The following CCSER2 variants were observed in gnomAD, a reference collection of about 807,000 sequenced individuals.
The protein encoded by CCSER2 is coiled-coil serine rich protein 2, also known as serine-rich coiled-coil domain-containing protein 2.
CCSER2 carries 46 observed loss-of-function variants against 92.3 expected under a neutral mutation model. The ratio of observed to expected loss-of-function variants is 0.50; its 90% CI spans 0.39 to 0.64. The LOEUF is 0.64. Ranked by LOEUF, CCSER2 falls within the 30% of genes least tolerant of loss-of-function variation. CCSER2 has a pLI of 0.00. For missense variants in CCSER2, 1,244 were observed against 1,238.9 expected, an observed-to-expected ratio of 1.00 and a Z score of -0.06; for synonymous variants, 433 against 431.4, an observed-to-expected ratio of 1.00 and a Z score of -0.04.
Position 84,331,726 on chromosome 10 carries a change from A to G in CCSER2, c.-40+2918A>G, listed in dbSNP as rs549109878. On this transcript the variant is annotated intron_variant, in intron 1 of 9. Coordinates refer to ENST00000372088, the MANE Select transcript of CCSER2 (RefSeq NM_001284240.2). ...ATTCCAAAAGGCTTTTTATCTTACAAACAATGGTCAAAGAAATTTTAAAAA... is the reference window on the plus strand; with the variant it reads ...ATTCCAAAAGGCTTTTTATCTTACAGACAATGGTCAAAGAAATTTTAAAAA... 2.6e-5 allele frequency among the ~76,000 whole-genome samples: 4 copies of G among 152,324 alleles called. No homozygotes were observed. In the South Asian group the frequency reaches 6.2e-4, roughly 24 times the overall value.
intron 3 of CCSER2, among the ~76,000 whole-genome samples, chr10:84,416,216 G>T (rs751913978): frequency 6.6e-6 from 1 of 152,124 alleles, no homozygotes; most frequent in African/African-American, 2.4e-5. Flanking sequence ...CATTGCTCCC[G>T]GGTGGACTGT....
chr10:84,377,374 G>A (rs1032910337), intron 3 of CCSER2, among the ~76,000 whole-genome samples: 1 of 152,018 alleles, frequency 6.6e-6, no homozygotes, highest in African/African-American at 2.4e-5. Flanking sequence ...TTTTCTGTAT[G>A]GTGTGAGATA....
At chr10:84,506,988 T>C (rs1849090811) in intron 9 of CCSER2, among the ~76,000 whole-genome samples, 1 of 152,202 alleles carries the variant, frequency 6.6e-6, no homozygotes, top group African/African-American at 2.4e-5. Context: ...TTTTGTTTGG[T>C]AAGAGTCTTC....
At chr10:84,423,749 A>G (rs574298317) in intron 4 of CCSER2, among the ~76,000 whole-genome samples, 1 of 152,294 alleles carries the variant, frequency 6.6e-6, no homozygotes, top group South Asian at 2.1e-4. Flanking sequence ...AAACATTTTA[A>G]TACCATGTAG....
intron 3 of CCSER2, 56 bp downstream of exon 3, chr10:84,373,871 C>T: frequency 1.2e-6 from 2 of 1,601,022 alleles, no homozygotes; most frequent in Non-Finnish European, 1.7e-6. Flanking sequence ...TATAGAGAGA[C>T]TTGTGATATG....
Position 84,516,847 on chromosome 10 carries a change from T to C in CCSER2, c.*2580T>C, listed in dbSNP as rs1204472717. 1 of 152,196 alleles carries C rather than the reference T, an allele frequency of 6.6e-6. No individual in the cohort carries two copies. The highest frequency in any genetic ancestry group is 2.4e-5 in the African/African-American group (1 of 41,450). The allele number at this position is 152,196 out of a possible 1,614,324, so 9.4% of individuals were successfully genotyped here. A position where few individuals can be genotyped will look rare whatever the true frequency, so the allele number is the denominator to read the frequency against. ...TTTTAGAAGATAGGCTTATCGTATATTTATGAAGCATAATATATTAAAAGA... is the reference window on the plus strand; with the variant it reads ...TTTTAGAAGATAGGCTTATCGTATACTTATGAAGCATAATATATTAAAAGA... On this transcript the variant is annotated 3_prime_UTR_variant, in exon 10 of 10. Transcript: ENST00000372088.
chr10:84,475,622 ATAT>A (rs1178192874), intron 8 of CCSER2, among the ~76,000 whole-genome samples: 1 of 152,188 alleles, frequency 6.6e-6, no homozygotes, highest in Non-Finnish European at 1.5e-5. Context: ...GTTTTTAGTA[ATAT>A]TATGAGTTTA....
chr10:84,422,652 A>G (rs1441497683), intron 4 of CCSER2, among the ~76,000 whole-genome samples: 1 of 152,162 alleles, frequency 6.6e-6, no homozygotes, highest in Non-Finnish European at 1.5e-5. Flanking sequence ...GAAGTTCACC[A>G]GTTTTTTTCT....
chr10:84,434,829 T>C (rs1844006724), intron 5 of CCSER2, among the ~76,000 whole-genome samples: 1 of 152,188 alleles, frequency 6.6e-6, no homozygotes, highest in Non-Finnish European at 1.5e-5. Flanking sequence ...AGGGATTTGG[T>C]AACTTGCCCT....
chr10:84,498,753 T>C (rs1848577568), intron 9 of CCSER2, among the ~76,000 whole-genome samples: 1 of 152,238 alleles, frequency 6.6e-6, no homozygotes, highest in Non-Finnish European at 1.5e-5. Flanking sequence ...TGATTTTCCT[T>C]AATGATATTT....
intron 9 of CCSER2, among the ~76,000 whole-genome samples, chr10:84,486,351 C>T (rs1019475058): frequency 1.3e-5 from 2 of 152,336 alleles, no homozygotes; most frequent in East Asian, 3.9e-4. Flanking sequence ...CTAGTTTACA[C>T]TCCCACCAAC....
At chr10:84,506,224 C>T (rs1286942683) in intron 9 of CCSER2, among the ~76,000 whole-genome samples, 1 of 151,440 alleles carries the variant, frequency 6.6e-6, no homozygotes, top group Non-Finnish European at 1.5e-5. Flanking sequence ...TATTTTTAAA[C>T]AATTTATATT....
intron 1 of CCSER2, among the ~76,000 whole-genome samples, chr10:84,363,003 ATTT>A (rs762145500): frequency 7.2e-6 from 1 of 138,826 alleles, no homozygotes; most frequent in African/African-American, 2.7e-5. Context: ...CGCCCAGCTA[ATTT>A]TTTTTTTTTT....
At chr10:84,480,069 G>A (rs1474148371) in intron 9 of CCSER2, among the ~76,000 whole-genome samples, 1 of 152,140 alleles carries the variant, frequency 6.6e-6, no homozygotes, top group African/African-American at 2.4e-5. Context: ...TTTTGAGACA[G>A]GGTCTTGGTC....
chr10:84,488,473 G>T (rs910261518), intron 9 of CCSER2, among the ~76,000 whole-genome samples: 5 of 152,146 alleles, frequency 3.3e-5, no homozygotes, highest in Admixed American at 6.5e-5. Flanking sequence ...TCTTGGGAGG[G>T]TATATGTGTC....
intron 7 of CCSER2, among the ~76,000 whole-genome samples, chr10:84,467,153 G>A (rs1423877682): frequency 6.6e-6 from 1 of 152,148 alleles, no homozygotes; most frequent in African/African-American, 2.4e-5. Flanking sequence ...TGCTGTAGAC[G>A]TTTGACATGA....
intron 1 of CCSER2, among the ~76,000 whole-genome samples, chr10:84,368,867 G>A (rs867303750): frequency 6.6e-6 from 1 of 152,138 alleles, no homozygotes; most frequent in South Asian, 2.1e-4. Context: ...AGTCTCCAGT[G>A]TCCATTATTC....
chr10:84,496,641 G>A (rs1224769206), intron 9 of CCSER2, among the ~76,000 whole-genome samples: 1 of 152,184 alleles, frequency 6.6e-6, no homozygotes, highest in Non-Finnish European at 1.5e-5. Context: ...TTTTTCTGTG[G>A]TGTTAGGTAG....
intron 6 of CCSER2, among the ~76,000 whole-genome samples, chr10:84,442,794 A>C (rs1264455503): frequency 6.6e-6 from 1 of 152,242 alleles, no homozygotes; most frequent in East Asian, 1.9e-4. Flanking sequence ...AAACAGATAT[A>C]TAGACCAATG....
Sources: allele counts gnomAD v4.1 joint callset (sites outside exome capture counted in the v4.1 genomes callset), GRCh38; gene constraint gnomAD v4.1.1; transcripts MANE v1.5; gene names NCBI Gene and HGNC (gene_info 2026-07-23, HGNC 2026-07-21).